The following EVA1C variants were observed in gnomAD, a reference collection of about 807,000 sequenced individuals.
The protein encoded by EVA1C is protein eva-1 homolog C.
In EVA1C, 25 loss-of-function variants were observed where a neutral mutation model predicts 45.4. The observed-to-expected ratio is 0.55, with a 90% CI of 0.40 to 0.77. The LOEUF (loss-of-function observed/expected upper bound fraction) is 0.77, where lower values mean the gene tolerates loss of function less well. Ranked by LOEUF, EVA1C falls within the 30% of genes least tolerant of loss-of-function variation. The pLI, the probability that EVA1C is intolerant of heterozygous loss-of-function variation, is 0.00. For synonymous variants in EVA1C, 190 were observed against 221.2 expected, an observed-to-expected ratio of 0.86 and a Z score of 1.25; for missense variants, 479 against 554.8, an observed-to-expected ratio of 0.86 and a Z score of 1.37.
At chr21:32,456,046 C>A (rs1417377343) in intron 2 of EVA1C, among the ~76,000 whole-genome samples, 1 of 152,154 alleles carries the variant, frequency 6.6e-6, no homozygotes, top group Non-Finnish European at 1.5e-5. Context: ...GTGCCCACCA[C>A]CACGCCTGCT....
chr21:32,460,806 C>T (rs2146279000), intron 3 of EVA1C, among the ~76,000 whole-genome samples: 1 of 151,014 alleles, frequency 6.6e-6, no homozygotes, highest in Non-Finnish European at 1.5e-5. Context: ...AGTGTAGTGG[C>T]TCAATCTTGG....
chr21:32,508,045 C>G (rs1002856828), intron 7 of EVA1C, among the ~76,000 whole-genome samples: 20 of 152,148 alleles, frequency 1.3e-4, no homozygotes, highest in African/African-American at 4.6e-4. Context: ...GCGTGTGTAT[C>G]TGTGTGTGTA....
At chr21:32,472,204 G>A (rs540520066) in intron 4 of EVA1C, among the ~76,000 whole-genome samples, 1 of 152,106 alleles carries the variant, frequency 6.6e-6, no homozygotes, top group South Asian at 2.1e-4. Context: ...TGTCGCCCAC[G>A]CTGGAGTGCA....
At chr21:32,501,539 G>T (rs750342159) in intron 6 of EVA1C, 44 bp downstream of exon 6, 1 of 1,589,560 alleles carries the variant, frequency 6.3e-7, no homozygotes, top group South Asian at 1.1e-5. Flanking sequence ...TTAAGTAAAG[G>T]TAAACAGCCC....
chr21:32,417,571 G>T (rs2034099269), intron 1 of EVA1C, among the ~76,000 whole-genome samples: 1 of 152,216 alleles, frequency 6.6e-6, no homozygotes, highest in South Asian at 2.1e-4. Context: ...GTGGGATGCA[G>T]TTCAGCCAAA....
rs1016802175 is a variant in EVA1C at position 32,452,460 on chromosome 21, C to T, written c.161-852C>T. 6.6e-6 allele frequency: 1 copy of T among 152,286 alleles called. No individual in the cohort carries two copies. Among genetic ancestry groups the T allele is most frequent in the African/African-American group, 2.4e-5 (1 of 41,466 alleles). The allele number at this position is 152,286 out of a possible 1,614,324, so 9.4% of individuals were successfully genotyped here. Reference sequence around the variant, plus strand: ...GCGTTTTTGGGCTCCGACCCCACAGCAGCTTGTAGAATTGGGTGTTTACAG... The same window carrying T: ...GCGTTTTTGGGCTCCGACCCCACAGTAGCTTGTAGAATTGGGTGTTTACAG... On this transcript the variant is annotated intron_variant, in intron 1 of 7. Coordinates refer to ENST00000300255, the MANE Select transcript of EVA1C (RefSeq NM_058187.5). This position sits in a 1 kb window ranked among gnomAD's most constrained non-coding sequence, Gnocchi z 4.0.
At chr21:32,495,265 C>A in intron 5 of EVA1C, 95 bp downstream of exon 5, 2 of 1,287,422 alleles carry the variant, frequency 1.6e-6, no homozygotes, top group South Asian at 1.4e-5. Flanking sequence ...CCAGAACAAG[C>A]CAAACACTGC....
Position 32,438,568 on chromosome 21 carries a change from A to C in EVA1C, c.161-14744A>C, listed in dbSNP as rs775414662. ...TATAAGAGCTGAAAGCAAAAGGCAG[A>C]GGTTCCTCGATGGAGCTCTGCTGGG... On this transcript the variant is annotated intron_variant, in intron 1 of 7. Coordinates refer to ENST00000300255, the MANE Select transcript of EVA1C (RefSeq NM_058187.5). 9.0e-4 allele frequency among the ~76,000 whole-genome samples: 137 copies of C among 152,030 alleles called. 1 individual carries two copies. In the Middle Eastern group the frequency reaches 0.021, roughly 23 times the overall value.
Position 32,488,640 on chromosome 21 carries a change from C to T in EVA1C, c.635-6387C>T, listed in dbSNP as rs185507571. ...TTGCTCTGTTGCCCAGGCTGGAGTG[C>T]AGTGGTGCAATCTCAGCTCACTGCA... is the stretch of plus-strand genomic sequence containing the variant. On this transcript the variant is annotated intron_variant, in intron 4 of 7. Coordinates refer to ENST00000300255, the MANE Select transcript of EVA1C (RefSeq NM_058187.5). 7.0e-3 allele frequency among the ~76,000 whole-genome samples: 1,054 copies of T among 150,262 alleles called. 8 individuals are homozygous for T. Among genetic ancestry groups the T allele is most frequent in the Non-Finnish European group, 0.011 (733 of 67,870 alleles).
In EVA1C at chr21:32,431,245, G is replaced by A. The variant is rs540618207; in HGVS notation, c.160+18232G>A. 2.0e-4 allele frequency among the ~76,000 whole-genome samples: 30 copies of A among 152,318 alleles called. No individual in the cohort carries two copies. The South Asian group carries it at 6.0e-3, about 31-fold the overall frequency. On this transcript the variant is annotated intron_variant, in intron 1 of 7. Transcript: ENST00000300255. ...AAAACCCAGGCTTGGCACAGGCAAG[G>A]GATCTGACCCAACGTCTCCCATCTT...
intron 7 of EVA1C, among the ~76,000 whole-genome samples, chr21:32,513,719 T>A (rs1390080050): frequency 2.0e-5 from 3 of 151,756 alleles, no homozygotes; most frequent in South Asian, 2.1e-4. Flanking sequence ...GGTATTTTTT[T>A]AAATAGACAT....
At chr21:32,453,007 C>G (rs1000970920) in intron 1 of EVA1C, 8 of 294,020 alleles carry the variant, frequency 2.7e-5, no homozygotes, top group African/African-American at 1.7e-4. Context: ...AACAGGAGTG[C>G]CTGTTCTCAC....
At chr21:32,472,714 A>G (rs2036422680) in intron 4 of EVA1C, among the ~76,000 whole-genome samples, 1 of 152,124 alleles carries the variant, frequency 6.6e-6, no homozygotes, top group Non-Finnish European at 1.5e-5. Flanking sequence ...GTTTCCATGG[A>G]GAGTGGAGGA....
intron 1 of EVA1C, among the ~76,000 whole-genome samples, chr21:32,438,442 A>G (rs1202589036): frequency 1.5e-5 from 2 of 135,846 alleles, no homozygotes; most frequent in East Asian, 2.5e-4. Flanking sequence ...GGTTGCAATC[A>G]TGCCACTGCA....
chr21:32,419,337 C>T (rs1389999632), intron 1 of EVA1C, among the ~76,000 whole-genome samples: 2 of 152,196 alleles, frequency 1.3e-5, no homozygotes, highest in Non-Finnish European at 2.9e-5. Context: ...TATTGCCTGA[C>T]TTGCGTACTG....
intron 4 of EVA1C, among the ~76,000 whole-genome samples, chr21:32,490,975 C>T (rs1248445105): frequency 6.6e-6 from 1 of 152,190 alleles, no homozygotes; most frequent in Non-Finnish European, 1.5e-5. Context: ...GCATCAGGAC[C>T]AGCATAAGTG....
chr21:32,429,772 A>G (rs1448796052), intron 1 of EVA1C, among the ~76,000 whole-genome samples: 1 of 152,246 alleles, frequency 6.6e-6, no homozygotes, highest in Non-Finnish European at 1.5e-5. Flanking sequence ...AATATTAAAT[A>G]ATTTAGTCAC....
At chr21:32,458,872 C>T (rs1388650848) in intron 3 of EVA1C, among the ~76,000 whole-genome samples, 3 of 152,058 alleles carry the variant, frequency 2.0e-5, no homozygotes, top group African/African-American at 7.2e-5. Context: ...GCCCTGGTTC[C>T]CCGAGACCCT....
chr21:32,441,303 A>AC (rs1312967366), intron 1 of EVA1C, among the ~76,000 whole-genome samples: 1 of 152,086 alleles, frequency 6.6e-6, no homozygotes, highest in Non-Finnish European at 1.5e-5. Context: ...TTGCAGAGCA[A>AC]CCCGGAAAGG....
Sources: gnomAD v4.1 joint callset for allele counts (sites outside exome capture counted in the v4.1 genomes callset) on GRCh38, gnomAD v4.1.1 for gene constraint, Gnocchi (gnomAD v3.1) non-coding constraint, MANE v1.5 for transcripts, NCBI Gene and HGNC (gene_info 2026-07-23, HGNC 2026-07-21) for gene names.